The following PAX7 variants were observed in gnomAD, a reference collection of about 807,000 sequenced individuals.
The protein encoded by PAX7 is paired box 7.
In PAX7, 18 loss-of-function variants were observed where a neutral mutation model predicts 50.7. That is an observed-to-expected ratio of 0.36 (90% CI 0.25 to 0.53). The LOEUF is 0.53. PAX7 is among the 20% of genes least tolerant of loss of function. The probability of loss-of-function intolerance (pLI) is 0.93; values close to 1 mark genes in which losing one functional copy is unlikely to be tolerated. For missense variants in PAX7, 644 were observed against 702.9 expected (o/e 0.92, Z 0.95); for synonymous variants, 310 against 290.4 (o/e 1.07, Z -0.69).
chr1:18,694,327 C>T (rs974138607), intron 5 of PAX7, among the ~76,000 whole-genome samples: 1 of 151,782 alleles, frequency 6.6e-6, no homozygotes, highest in Non-Finnish European at 1.5e-5. Flanking sequence ...GGCATGCTAG[C>T]GCATGCCTGT....
At chr1:18,666,924 G>T (rs1182650514) in intron 4 of PAX7, among the ~76,000 whole-genome samples, 1 of 152,192 alleles carries the variant, frequency 6.6e-6, no homozygotes, top group East Asian at 1.9e-4. Context: ...ACTGCTTGGT[G>T]GTGGGGGCAT....
intron 1 of PAX7, among the ~76,000 whole-genome samples, chr1:18,633,996 C>G (rs564232213): frequency 6.6e-6 from 1 of 152,212 alleles, no homozygotes; most frequent in Non-Finnish European, 1.5e-5. Flanking sequence ...CCCTTCTTAG[C>G]AGCATTCGAA....
At chr1:18,676,623 A>C (rs1185602700) in intron 4 of PAX7, among the ~76,000 whole-genome samples, 1 of 152,164 alleles carries the variant, frequency 6.6e-6, no homozygotes, top group Non-Finnish European at 1.5e-5. Flanking sequence ...GGCCCCAGGC[A>C]GAATGGGAGG....
chr1:18,652,591 C>T (rs1026208693), intron 4 of PAX7, among the ~76,000 whole-genome samples: 1 of 152,160 alleles, frequency 6.6e-6, no homozygotes, highest in African/African-American at 2.4e-5. Flanking sequence ...AAAGAGGTAA[C>T]CATTTATGGA....
intron 7 of PAX7, among the ~76,000 whole-genome samples, chr1:18,732,849 C>G (rs1305756691): frequency 6.6e-6 from 1 of 152,148 alleles, no homozygotes; most frequent in Non-Finnish European, 1.5e-5. Context: ...ATCATCCCAT[C>G]CGGGCTTGGC....
chr1:18,718,935 C>T (rs1204385781), intron 7 of PAX7, among the ~76,000 whole-genome samples: 2 of 152,158 alleles, frequency 1.3e-5, no homozygotes, highest in Admixed American at 1.3e-4. Flanking sequence ...CCACGGCACC[C>T]AGCCGACCCT....
At chr1:18,668,079 G>C (rs983435224) in intron 4 of PAX7, among the ~76,000 whole-genome samples, 1 of 152,160 alleles carries the variant, frequency 6.6e-6, no homozygotes, top group Non-Finnish European at 1.5e-5. Flanking sequence ...AGATTCATAT[G>C]AGGGAGCTTT....
At chr1:18,675,268 A>G (rs1010422041) in intron 4 of PAX7, among the ~76,000 whole-genome samples, 6 of 152,148 alleles carry the variant, frequency 3.9e-5, no homozygotes, top group African/African-American at 1.2e-4. Context: ...AAAAAAGCCG[A>G]AAGTGTCCAA....
At chr1:18,721,878 G>C (rs2100370779) in intron 7 of PAX7, among the ~76,000 whole-genome samples, 1 of 152,310 alleles carries the variant, frequency 6.6e-6, no homozygotes, top group East Asian at 1.9e-4. Context: ...CATGGTTTGG[G>C]GGACTGCTGT....
At chr1:18,693,549 G>A (rs1442121289) in intron 5 of PAX7, among the ~76,000 whole-genome samples, 2 of 152,200 alleles carry the variant, frequency 1.3e-5, no homozygotes, top group African/African-American at 4.8e-5. Context: ...AGCAAGGGAC[G>A]TTTCAGCACT....
Position 18,700,706 on chromosome 1 carries a change from G to C in PAX7, c.840G>C (p.Gln280His), listed in dbSNP as rs773414245. 1.6e-5 allele frequency: 26 copies of C among 1,601,468 alleles called. No individual in the cohort carries two copies. The Admixed American group carries it at 1.9e-4, about 12-fold the overall frequency. The change falls in exon 6 of 9, where the codon CAG (glutamine) becomes CAC (histidine). Residue 280 changes from glutamine (Q) to histidine (H), a missense_variant. Coordinates refer to ENST00000420770, the MANE Select transcript of PAX7 (RefSeq NM_001135254.2). This position sits in a 1 kb window ranked among gnomAD's most constrained non-coding sequence, Gnocchi z 4.8. ...GGCGTAAGCAGGCAGGAGCCAACCA[G>C]CTGGCGGCGTTCAACCACCTTCTGC... ...ARWRKQAGANQLAAFNHLLPG... is the reference protein window; with the variant it reads ...ARWRKQAGANHLAAFNHLLPG...
chr1:18,740,227 A>G (rs1030031231), intron 8 of PAX7, among the ~76,000 whole-genome samples: 31 of 152,206 alleles, frequency 2.0e-4, no homozygotes, highest in Non-Finnish European at 4.4e-5. Context: ...TGGGAGAGGC[A>G]GGCTGTGCAG....
At chr1:18,645,296 G>A (rs1413603990) in intron 4 of PAX7, among the ~76,000 whole-genome samples, 1 of 152,262 alleles carries the variant, frequency 6.6e-6, no homozygotes, top group South Asian at 2.1e-4. Flanking sequence ...AGGGAGGAGC[G>A]GCTGGGCTGC....
At chr1:18,657,059 G>A (rs1212480395) in intron 4 of PAX7, among the ~76,000 whole-genome samples, 1 of 152,136 alleles carries the variant, frequency 6.6e-6, no homozygotes, top group Non-Finnish European at 1.5e-5. Context: ...ATCAAAACTA[G>A]TATGGTGTCT....
intron 5 of PAX7, among the ~76,000 whole-genome samples, chr1:18,697,509 T>C (rs1335714254): frequency 1.3e-5 from 2 of 152,180 alleles, no homozygotes; most frequent in African/African-American, 2.4e-5. Context: ...GTGGCTGTTA[T>C]TAGCCCCATT....
rs1464138367 is a variant in PAX7 at position 18,748,080 on chromosome 1, A to G, written c.*3151A>G. 4.7e-6 allele frequency: 1 copy of G among 212,688 alleles called. No individual in the cohort carries two copies. Among genetic ancestry groups the G allele is most frequent in the African/African-American group, 2.3e-5 (1 of 44,232 alleles). 13.2% of individuals were successfully genotyped at this position (212,688 alleles called of 1,614,324 possible). ...GCTTTGTTGTTCTTTTGCCAGAGGA[A>G]CATCAAAGGGCAGAGCAAACAGAGA... On this transcript the variant is annotated 3_prime_UTR_variant, in exon 9 of 9. Transcript: ENST00000420770.
intron 7 of PAX7, among the ~76,000 whole-genome samples, chr1:18,718,786 G>T (rs1158139476): frequency 6.6e-6 from 1 of 152,004 alleles, no homozygotes; most frequent in Non-Finnish European, 1.5e-5. Context: ...GGGATTACAG[G>T]CATGCACCAC....
At chr1:18,645,906 C>T (rs2088330449) in intron 4 of PAX7, among the ~76,000 whole-genome samples, 1 of 152,204 alleles carries the variant, frequency 6.6e-6, no homozygotes, top group African/African-American at 2.4e-5. Context: ...GGAAGCTGGT[C>T]TCTAAGCCAC....
At chr1:18,648,061 C>G (rs2088373762) in intron 4 of PAX7, among the ~76,000 whole-genome samples, 1 of 152,186 alleles carries the variant, frequency 6.6e-6, no homozygotes, top group African/African-American at 2.4e-5. Flanking sequence ...TCCCCACAGG[C>G]AGAGGCTGGG....
Sources: allele counts gnomAD v4.1 joint callset (sites outside exome capture counted in the v4.1 genomes callset), GRCh38; gene constraint gnomAD v4.1.1; non-coding constraint Gnocchi (gnomAD v3.1); transcripts MANE v1.5; gene names NCBI Gene and HGNC (gene_info 2026-07-23, HGNC 2026-07-21).